Variants in TMEM255B observed in about 807,000 individuals in gnomAD.
The protein encoded by TMEM255B is transmembrane protein 255B, also known as family with sequence similarity 70, member B.
TMEM255B carries 35 observed loss-of-function variants against 34.5 expected under a neutral mutation model. The ratio of observed to expected loss-of-function variants is 1.01; its 90% confidence interval spans 0.77 to 1.34. The LOEUF is 1.34. Among genes scored for constraint, TMEM255B ranks in the 40% most tolerant of loss-of-function variants. The pLI, the probability that TMEM255B is intolerant of heterozygous loss-of-function variation, is 0.00. For synonymous variants in TMEM255B, 206 were observed against 201.2 expected (o/e 1.02, Z -0.20); for missense variants, 432 against 433.2 (o/e 1.00, Z 0.02).
In TMEM255B at chr13:113,770,253, C is replaced by T. The variant is rs532317227; in HGVS notation, c.252+1093C>T. Reference sequence around the variant, plus strand: ...AGACAGAGCCTGTGCAGGGAAACTCCCCCTTGTAATAACCATCAGATCTTG... The same window carrying T: ...AGACAGAGCCTGTGCAGGGAAACTCTCCCTTGTAATAACCATCAGATCTTG... On this transcript the variant is annotated intron_variant, in intron 3 of 8. Transcript: ENST00000375353. This position sits in a 1 kb window ranked among gnomAD's most constrained non-coding sequence, Gnocchi z 4.6. Among the ~76,000 whole-genome samples, 31 of 152,206 alleles carry T rather than the reference C, an allele frequency of 2.0e-4. No homozygotes were observed. The highest frequency in any genetic ancestry group is 7.5e-4 in the African/African-American group (31 of 41,520).
At chr13:113,796,263 ACCTCACACACCACACAGAGCACACG>A (rs2050932500) in intron 4 of TMEM255B, among the ~76,000 whole-genome samples, 1 of 150,436 alleles carries the variant, frequency 6.6e-6, no homozygotes, top group Non-Finnish European at 1.5e-5. Context: ...CAGAGTACAC[ACCTCACACACCACACAGAGCACACG>A]CCTCACACAC....
chr13:113,799,565 G>A, intron 5 of TMEM255B, 146 bp downstream of exon 5: 2 of 717,776 alleles, frequency 2.8e-6, no homozygotes, highest in Non-Finnish European at 4.8e-6. Flanking sequence ...AACCGTTGAT[G>A]CCCCCTGTGT....
At chr13:113,790,507 C>T (rs370510660) in intron 3 of TMEM255B, among the ~76,000 whole-genome samples, 1 of 99,694 alleles carries the variant, frequency 1.0e-5, no homozygotes, top group Admixed American at 1.0e-4. Flanking sequence ...GACACATGGA[C>T]ATCCTAGCTG....
intron 1 of TMEM255B, among the ~76,000 whole-genome samples, chr13:113,764,172 G>A (rs942483565): frequency 6.6e-6 from 1 of 152,214 alleles, no homozygotes; most frequent in Admixed American, 6.5e-5. Context: ...TGGGGCTGGG[G>A]GAGCATGACT....
chr13:113,773,089 TC>T (rs1367489334), intron 3 of TMEM255B, among the ~76,000 whole-genome samples: 2 of 152,240 alleles, frequency 1.3e-5, no homozygotes, highest in African/African-American at 2.4e-5. Flanking sequence ...GTTTTGTAGT[TC>T]TTAGAGTATA....
In TMEM255B at chr13:113,811,720, T is replaced by A; in HGVS notation, c.814-16T>A. 6.2e-7 allele frequency: 1 copy of A among 1,613,148 alleles called. No individual in the cohort carries two copies. The highest frequency in any genetic ancestry group is 8.5e-7 in the Non-Finnish European group (1 of 1,179,686). On this transcript the variant is annotated splice_polypyrimidine_tract_variant and intron_variant, in intron 8 of 8. Coordinates refer to ENST00000375353, the MANE Select transcript of TMEM255B (RefSeq NM_182614.4). Reference sequence around the variant, plus strand: ...GGTCTCACCTGCTAACCCAGGGCCCTCTCTGTTTATTGCAGCCCTGCAGCC... The same window carrying A: ...GGTCTCACCTGCTAACCCAGGGCCCACTCTGTTTATTGCAGCCCTGCAGCC...
intron 7 of TMEM255B, 57 bp from the exon 8 acceptor site, chr13:113,804,828 C>T: frequency 6.7e-7 from 1 of 1,485,348 alleles, no homozygotes; most frequent in Non-Finnish European, 9.1e-7. Context: ...GAAGGCTGGA[C>T]AGCCCTTCCC....
At chr13:113,764,926 C>T (rs148717728) in intron 1 of TMEM255B, among the ~76,000 whole-genome samples, 215 of 152,292 alleles carry the variant, frequency 1.4e-3, no homozygotes, top group African/African-American at 4.6e-3. Flanking sequence ...CCACTGCCTG[C>T]GGCCTGGAGT....
chr13:113,782,677 G>GC lies in TMEM255B; in HGVS notation c.253-12471_253-12470insC, dbSNP rs765997226. On this transcript the variant is annotated intron_variant, in intron 3 of 8. Transcript: ENST00000375353. ...AGATTTCCTCCTGTGATGGTCGGAG[G>GC]GGGGGGCTTCATTATGAGCCCCACC... 4.7e-4 allele frequency among the ~76,000 whole-genome samples: 71 copies of GC among 150,338 alleles called. 2 individuals are homozygous for GC. The highest frequency in any genetic ancestry group is 4.3e-3 in the East Asian group (22 of 5,058).
chr13:113,794,271 C>A (rs891342256), intron 3 of TMEM255B, among the ~76,000 whole-genome samples: 1 of 152,146 alleles, frequency 6.6e-6, no homozygotes. Flanking sequence ...TGAGTCTGGA[C>A]GAGCACCCAC....
intron 7 of TMEM255B, 138 bp from the exon 8 acceptor site, chr13:113,804,747 G>T: frequency 3.4e-6 from 2 of 595,478 alleles, no homozygotes; most frequent in Non-Finnish European, 5.2e-6. Context: ...TCCAGCCTGG[G>T]TATAAACGCA....
Position 113,811,783 on chromosome 13 carries a change from T to C in TMEM255B, c.861T>C (p.Ser287=), listed in dbSNP as rs1421812782. ...CGCCCTCCTCTGCCCTGGCTTCGTC[T>C]GAGGACCTGCAGCCCCCTTCTCCAA... The part of the protein sequence containing the change: ...PVAPSSALAS[S]EDLQPPSPSS... The change falls in exon 9 of 9, where the codon TCT becomes TCC. Residue 287 remains serine (S), a synonymous_variant. Transcript: ENST00000375353. 5.6e-6 allele frequency: 9 copies of C among 1,613,922 alleles called. No homozygotes were observed. Among genetic ancestry groups the C allele is most frequent in the Non-Finnish European group, 7.6e-6 (9 of 1,179,888 alleles).
At chr13:113,763,992 G>A (rs569057480) in intron 1 of TMEM255B, among the ~76,000 whole-genome samples, 3 of 152,352 alleles carry the variant, frequency 2.0e-5, no homozygotes, top group South Asian at 4.1e-4. Context: ...CAGGTGCAGC[G>A]CCCATCCCCT....
intron 3 of TMEM255B, among the ~76,000 whole-genome samples, chr13:113,784,135 G>GA: frequency 6.6e-6 from 1 of 152,276 alleles, no homozygotes; most frequent in East Asian, 1.9e-4. Context: ...CAAGTTTGGT[G>GA]AGGTTGTGAA....
At chr13:113,802,347 T>G (rs2051081621) in intron 7 of TMEM255B, among the ~76,000 whole-genome samples, 1 of 152,186 alleles carries the variant, frequency 6.6e-6, no homozygotes, top group South Asian at 2.1e-4. Flanking sequence ...GTCCTCTCTC[T>G]TCTCCCTCCT....
intron 7 of TMEM255B, 149 bp from the exon 8 acceptor site, chr13:113,804,736 C>T: frequency 1.5e-6 from 1 of 650,336 alleles, no homozygotes. Flanking sequence ...CCGGCGTTAG[C>T]TCCAGCCTGG....
chr13:113,809,161 AGTTTACTCTGTGGTTCCTGGAT>A (rs2051251363), intron 8 of TMEM255B, among the ~76,000 whole-genome samples: 2 of 97,624 alleles, frequency 2.0e-5, no homozygotes, highest in African/African-American at 4.1e-5. Flanking sequence ...GGTTCCTGGG[AGTTTACTCTGTGGTTCCTGGAT>A]GTTTACTCCA....
At chr13:113,811,155 CCCG>C (rs2051290564) in intron 8 of TMEM255B, among the ~76,000 whole-genome samples, 1 of 139,566 alleles carries the variant, frequency 7.2e-6, no homozygotes, top group African/African-American at 2.7e-5. Context: ...GGGGTGGGGG[CCCG>C]TGAGAGTGGT....
rs2051071023 is a variant in TMEM255B, at chr13:113,801,824, T to A, written c.669+12T>A. 1 of 1,587,842 alleles carries A rather than the reference T, an allele frequency of 6.3e-7. No homozygotes were observed. Among genetic ancestry groups the A allele is most frequent in the Non-Finnish European group, 8.6e-7 (1 of 1,166,144 alleles). ...CCTTCAAGGACATGGTGAGGCCCCT[T>A]GGTGGGACCCCCGCTGCTCACTGGG... On this transcript the variant is annotated intron_variant, in intron 7 of 8. Transcript: ENST00000375353.
Sources: allele counts gnomAD v4.1 joint callset (sites outside exome capture counted in the v4.1 genomes callset), GRCh38; gene constraint gnomAD v4.1.1; non-coding constraint Gnocchi (gnomAD v3.1); transcripts MANE v1.5; gene names NCBI Gene and HGNC (gene_info 2026-07-23, HGNC 2026-07-21).